The following TRMT61A variants were observed in gnomAD, a reference collection of about 807,000 sequenced individuals.
TRMT61A encodes tRNA methyltransferase 61A, also known as tRNA (adenine(58)-N(1))-methyltransferase catalytic subunit TRMT61A.
In TRMT61A, 15 loss-of-function variants were observed where a neutral mutation model predicts 21.3. The ratio of observed to expected loss-of-function variants is 0.70; its 90% CI spans 0.47 to 1.08. The LOEUF (loss-of-function observed/expected upper bound fraction) is 1.08. Among genes scored for constraint, TRMT61A ranks in the 50% least tolerant of loss-of-function variants. The pLI is 0.00. For missense variants in TRMT61A, 352 were observed against 426.7 expected (o/e 0.83, Z 1.54); for synonymous variants, 183 against 185.5 (o/e 0.99, Z 0.11).
chr14:103,534,723 G>C lies in TRMT61A; in HGVS notation c.772G>C (p.Ala258Pro). The change falls in exon 4 of 4, where the codon GCC (alanine) becomes CCC (proline). Residue 258 changes from alanine to proline, a missense_variant. Physicochemically the swap from Ala to Pro is conservative, Grantham distance 27. Transcript: ENST00000389749. ...PDLGTGTDGP[A>P]GSDTSPFRSG... ...CCTGGGCACAGGCACAGATGGCCCT[G>C]CCGGCTCCGACACCAGCCCCTTCCG... is the stretch of plus-strand genomic sequence containing the variant. 1 of 1,604,276 alleles carries C rather than the reference G, an allele frequency of 6.2e-7. No individual in the cohort carries two copies. The highest frequency in any genetic ancestry group is 1.1e-5 in the South Asian group (1 of 90,592).
At position 103,535,382 on chromosome 14, in the gene TRMT61A, G is replaced by T. The variant is rs1349700287; in HGVS notation, c.*561G>T. 1 of 456,058 alleles carries T rather than the reference G, an allele frequency of 2.2e-6. No individual in the cohort carries two copies. Among genetic ancestry groups the T allele is most frequent in the African/African-American group, 2.0e-5 (1 of 50,062 alleles). The allele number at this position is 456,058 out of a possible 1,614,324, so 28.3% of individuals were successfully genotyped here. On this transcript the variant is annotated 3_prime_UTR_variant, in exon 4 of 4. Transcript: ENST00000389749. ...AGACCAGGCCAGCCCAGGAACCAGG[G>T]AGGTGACCCTGCTCTCTGGCCTCCT... is the stretch of plus-strand genomic sequence containing the variant.
chr14:103,531,416 G>C lies in TRMT61A; in HGVS notation c.331+1107G>C, dbSNP rs892796700. On this transcript the variant is annotated intron_variant, in intron 2 of 3. Coordinates refer to ENST00000389749, the MANE Select transcript of TRMT61A (RefSeq NM_152307.3). This position sits in a 1 kb window ranked among gnomAD's most constrained non-coding sequence, Gnocchi z 5.1. ...GAGCCAAGGGACAGCTCTGCACCAAGGAGGAGCCGTGCCGAGGCCCTGCAG... is the reference window on the plus strand; with the variant it reads ...GAGCCAAGGGACAGCTCTGCACCAACGAGGAGCCGTGCCGAGGCCCTGCAG... Among the ~76,000 whole-genome samples the C allele has an allele frequency of 1.3e-5, 2 of 152,156 alleles. No homozygotes were observed. Among genetic ancestry groups the C allele is most frequent in the Admixed American group, 1.3e-4 (2 of 15,292 alleles).
Position 103,534,712 on chromosome 14 carries a change from C to T in TRMT61A, c.761C>T (p.Thr254Ile), listed in dbSNP as rs760137498. The change falls in exon 4 of 4, where the codon ACA (threonine) becomes ATA (isoleucine). Residue 254 changes from threonine (T) to isoleucine (I), a missense_variant. Transcript: ENST00000389749. ...SLPPPDLGTGTDGPAGSDTSP... is the reference protein window; with the variant it reads ...SLPPPDLGTGIDGPAGSDTSP... ...CCACCGCCCGACCTGGGCACAGGCA[C>T]AGATGGCCCTGCCGGCTCCGACACC... 19 of 1,606,708 alleles carry T rather than the reference C, an allele frequency of 1.2e-5. No individual in the cohort carries two copies. Among genetic ancestry groups the T allele is most frequent in the South Asian group, 2.2e-5 (2 of 90,810 alleles).
In TRMT61A at chr14:103,535,282, G is replaced by GC. The variant is rs2075970045; in HGVS notation, c.*463dup. The stretch of plus-strand genomic sequence containing the variant: ...CATCTCGTGCTTCTCCAGTCCCCGG[G>GC]CCGAGGCTCCAGCCTTGGCCAGAAG... On this transcript the variant is annotated 3_prime_UTR_variant, in exon 4 of 4. Transcript: ENST00000389749. 1 of 453,480 alleles carries GC rather than the reference G, an allele frequency of 2.2e-6. No homozygotes were observed. Among genetic ancestry groups the GC allele is most frequent in the East Asian group, 6.9e-5 (1 of 14,458 alleles). 28.1% of individuals were successfully genotyped at this position (453,480 alleles called of 1,614,324 possible).
At position 103,534,878 on chromosome 14, in the gene TRMT61A, G is replaced by A. The variant is rs2075968016; in HGVS notation, c.*57G>A. ...GAGCACTGAAGGGCTGGGCAGGGAGGCCAGAGGCACCTTATATGGTCAGCG... is the reference window on the plus strand; with the variant it reads ...GAGCACTGAAGGGCTGGGCAGGGAGACCAGAGGCACCTTATATGGTCAGCG... On this transcript the variant is annotated 3_prime_UTR_variant, in exon 4 of 4. Coordinates refer to ENST00000389749, the MANE Select transcript of TRMT61A (RefSeq NM_152307.3). The A allele has an allele frequency of 6.6e-7, 1 of 1,525,072 alleles. No homozygotes were observed. Among genetic ancestry groups the A allele is most frequent in the Non-Finnish European group, 8.8e-7 (1 of 1,137,962 alleles). 94.5% of individuals were successfully genotyped at this position (1,525,072 alleles called of 1,614,324 possible).
intron 3 of TRMT61A, 138 bp downstream of exon 3, chr14:103,532,986 C>A: frequency 8.1e-7 from 1 of 1,239,856 alleles, no homozygotes; most frequent in African/African-American, 1.5e-5. Flanking sequence ...CCACTTTGGC[C>A]TGAGGTGAGG....
chr14:103,529,953 C>G lies in TRMT61A; in HGVS notation c.-26C>G, dbSNP rs1485293649. 2 of 1,579,226 alleles carry G rather than the reference C, an allele frequency of 1.3e-6. No homozygotes were observed. Among genetic ancestry groups the G allele is most frequent in the African/African-American group, 2.7e-5 (2 of 74,292 alleles). On this transcript the variant is annotated 5_prime_UTR_variant, in exon 2 of 4. Transcript: ENST00000389749. Reference sequence around the variant, plus strand: ...GCCTACACACACCCCTCCCCAGGTCCTTGGCCCTTGCCAGACATTAGCACC... The same window carrying G: ...GCCTACACACACCCCTCCCCAGGTCGTTGGCCCTTGCCAGACATTAGCACC...
Position 103,534,644 on chromosome 14 carries a change from G to A in TRMT61A, c.693G>A (p.Leu231=). 1 of 1,611,164 alleles carries A rather than the reference G, an allele frequency of 6.2e-7. No individual in the cohort carries two copies. The highest frequency in any genetic ancestry group is 8.5e-7 in the Non-Finnish European group (1 of 1,179,288). The change falls in exon 4 of 4, where the codon CTG becomes CTA. Residue 231 remains leucine, a synonymous_variant. Transcript: ENST00000389749. ...GCGGCTTCTCAGAGCTGAGCACCCTGGAGGTGCTGCCACAGGTCTACAACG... is the reference window on the plus strand; with the variant it reads ...GCGGCTTCTCAGAGCTGAGCACCCTAGAGGTGCTGCCACAGGTCTACAACG... ...AARGFSELST[L]EVLPQVYNVR... is the part of the protein sequence containing the mutation.
chr14:103,530,209 G>A lies in TRMT61A; in HGVS notation c.231G>A (p.Thr77=), dbSNP rs771219175. 6.2e-7 allele frequency: 1 copy of A among 1,612,184 alleles called. No homozygotes were observed. The highest frequency in any genetic ancestry group is 1.1e-5 in the South Asian group (1 of 91,070). Residue 77 remains threonine, a synonymous_variant, in exon 2 of 4, where the codon ACG becomes ACA. Coordinates refer to ENST00000389749, the MANE Select transcript of TRMT61A (RefSeq NM_152307.3). ...TGCACCCCACGCCCGAGCTCTGGACGCTGAACCTGCCGCACCGCACGCAGA... is the reference window on the plus strand; with the variant it reads ...TGCACCCCACGCCCGAGCTCTGGACACTGAACCTGCCGCACCGCACGCAGA... The part of the protein sequence containing the change: ...YVLHPTPELW[T]LNLPHRTQIL...
In TRMT61A at chr14:103,531,114, G is replaced by A. The variant is rs969582345; in HGVS notation, c.331+805G>A. On this transcript the variant is annotated intron_variant, in intron 2 of 3. Coordinates refer to ENST00000389749, the MANE Select transcript of TRMT61A (RefSeq NM_152307.3). The surrounding 1 kb of genome is among the most constrained non-coding windows in gnomAD (Gnocchi z 5.1). ...CTCTCCGCCCCTGCCCCACTCTCGC[G>A]AGAGAGCTCAATCAAGCAGCACCTT... Among the ~76,000 whole-genome samples, 2 of 152,146 alleles carry A rather than the reference G, an allele frequency of 1.3e-5. No homozygotes were observed. Among genetic ancestry groups the A allele is most frequent in the African/African-American group, 4.8e-5 (2 of 41,430 alleles).
At chr14:103,530,376 GC>G in intron 2 of TRMT61A, 67 bp downstream of exon 2, 1 of 1,370,994 alleles carries the variant, frequency 7.3e-7, no homozygotes, top group South Asian at 1.3e-5. Context: ...AGAGCCTCCA[GC>G]CTGCCCTTCC....
chr14:103,535,126 G>T lies in TRMT61A; in HGVS notation c.*305G>T, dbSNP rs1349368600. 1.6e-6 allele frequency: 1 copy of T among 628,354 alleles called. No individual in the cohort carries two copies. Among genetic ancestry groups the T allele is most frequent in the Non-Finnish European group, 3.0e-6 (1 of 336,540 alleles). The allele number at this position is 628,354 out of a possible 1,614,324, so 38.9% of individuals were successfully genotyped here. A position where few individuals can be genotyped will look rare whatever the true frequency, so the allele number is the denominator to read the frequency against. ...TTGAAGCCAAAGGGTGCAGGTGGGG[G>T]AGTCTGACCCCCTCCCAGGTGGGCC... On this transcript the variant is annotated 3_prime_UTR_variant, in exon 4 of 4. Coordinates refer to ENST00000389749, the MANE Select transcript of TRMT61A (RefSeq NM_152307.3).
At chr14:103,529,580 G>C (rs949686978) in intron 1 of TRMT61A, among the ~76,000 whole-genome samples, 4 of 152,242 alleles carry the variant, frequency 2.6e-5, no homozygotes, top group Admixed American at 2.6e-4. Context: ...TGGACACCTC[G>C]CAAAGGCGCT....
intron 3 of TRMT61A, among the ~76,000 whole-genome samples, chr14:103,533,978 G>A (rs944505334): frequency 7.9e-5 from 12 of 152,200 alleles, no homozygotes; most frequent in African/African-American, 2.9e-4. Flanking sequence ...GGCTTCCCCA[G>A]GTCCTCCCTG....
chr14:103,532,323 G>T (rs528293155), intron 2 of TRMT61A, among the ~76,000 whole-genome samples: 1 of 152,136 alleles, frequency 6.6e-6, no homozygotes, highest in African/African-American at 2.4e-5. Flanking sequence ...CACTGGCCTC[G>T]CCTGTGCCCA....
Position 103,530,196 on chromosome 14 carries a change from C to T in TRMT61A, c.218C>T (p.Pro73Leu). 3.1e-6 allele frequency: 5 copies of T among 1,612,412 alleles called. No homozygotes were observed. Among genetic ancestry groups the T allele is most frequent in the Non-Finnish European group, 4.2e-6 (5 of 1,179,602 alleles). Reference protein sequence around the residue: ...GGWVYVLHPTPELWTLNLPHR... With the variant: ...GGWVYVLHPTLELWTLNLPHR... ...TGGGTGTATGTGCTGCACCCCACGC[C>T]CGAGCTCTGGACGCTGAACCTGCCG... The change falls in exon 2 of 4, where the codon CCC becomes CTC. Residue 73 changes from proline to leucine, a missense_variant. Pro to Leu is a moderately conservative substitution (Grantham distance 98, BLOSUM62 -3). Transcript: ENST00000389749.
intron 2 of TRMT61A, 34 bp from the exon 3 acceptor site, chr14:103,532,548 C>A (rs1212854294): frequency 6.2e-7 from 1 of 1,612,756 alleles, no homozygotes; most frequent in African/African-American, 1.3e-5. Context: ...GCAGTCCCAA[C>A]TGATGCCTTG....
chr14:103,532,705 G>C lies in TRMT61A; in HGVS notation c.455G>C (p.Arg152Pro), dbSNP rs758770178. The C allele has an allele frequency of 1.2e-6, 2 of 1,612,778 alleles. No homozygotes were observed. The highest frequency in any genetic ancestry group is 2.2e-5 in the South Asian group (2 of 91,016). Residue 152 changes from arginine to proline, a missense_variant, in exon 3 of 4, where the codon CGT becomes CCT. By Grantham distance (103) the Arg-to-Pro change is moderately radical (BLOSUM62 -2). Transcript: ENST00000389749. ...EKAREEFQEHRVGRWVTVRTQ... is the reference protein window; with the variant it reads ...EKAREEFQEHPVGRWVTVRTQ... The stretch of plus-strand genomic sequence containing the variant: ...GCCCGGGAGGAGTTCCAGGAGCACC[G>C]TGTGGGCCGCTGGGTGACTGTGCGC...
chr14:103,532,879 C>A, intron 3 of TRMT61A, 31 bp downstream of exon 3: 1 of 756,572 alleles, frequency 1.3e-6, no homozygotes, highest in Non-Finnish European at 2.2e-6. Context: ...GAGGTACAGC[C>A]TGGGTGGGGG....
Sources: allele counts gnomAD v4.1 joint callset (sites outside exome capture counted in the v4.1 genomes callset), GRCh38; gene constraint gnomAD v4.1.1; non-coding constraint Gnocchi (gnomAD v3.1); transcripts MANE v1.5; gene names NCBI Gene and HGNC (gene_info 2026-07-23, HGNC 2026-07-21).